SPAG16: variants seen among roughly 807,000 people sequenced by gnomAD.
SPAG16 encodes the protein sperm-associated antigen 16 protein.
SPAG16 carries 86 observed loss-of-function variants against 80.4 expected under a neutral mutation model. The observed-to-expected ratio is 1.07, with a 90% CI of 0.90 to 1.28. SPAG16 has a LOEUF of 1.28. SPAG16 is among the 50% of genes most tolerant of loss of function. SPAG16 has a pLI of 0.00. For missense variants in SPAG16, 870 were observed against 765.3 expected, an observed-to-expected ratio of 1.14 and a Z score of -1.61; for synonymous variants, 294 against 265.9, an observed-to-expected ratio of 1.11 and a Z score of -1.03.
chr2:213,975,735 T>A (rs1002031492), intron 12 of SPAG16, among the ~76,000 whole-genome samples: 1 of 151,946 alleles, frequency 6.6e-6, no homozygotes, highest in Admixed American at 6.6e-5. Context: ...CTCTGGAATG[T>A]CTAAGAAATA....
chr2:213,864,593 C>G (rs532902416), intron 11 of SPAG16, among the ~76,000 whole-genome samples: 2 of 152,044 alleles, frequency 1.3e-5, no homozygotes, highest in African/African-American at 2.4e-5. Flanking sequence ...GACACATATA[C>G]TTTTTCTTAT....
chr2:214,365,983 T>G (rs891579286), intron 15 of SPAG16, among the ~76,000 whole-genome samples: 3 of 151,648 alleles, frequency 2.0e-5, no homozygotes, highest in East Asian at 1.9e-4. Context: ...TGCCAGGTTT[T>G]TTTTTTTTTT....
chr2:213,425,824 C>T (rs1392016719), intron 9 of SPAG16, among the ~76,000 whole-genome samples: 2 of 152,094 alleles, frequency 1.3e-5, no homozygotes, highest in Admixed American at 1.3e-4. Context: ...GCTGACATGA[C>T]ATTTTACTGT....
intron 15 of SPAG16, among the ~76,000 whole-genome samples, chr2:214,281,970 C>G (rs1692973280): frequency 6.6e-6 from 1 of 152,152 alleles, no homozygotes; most frequent in Non-Finnish European, 1.5e-5. Flanking sequence ...ATCTGTATAA[C>G]TGAAAGCACA....
chr2:213,514,068 G>T (rs1053608611), intron 10 of SPAG16, among the ~76,000 whole-genome samples: 23 of 152,164 alleles, frequency 1.5e-4, no homozygotes. Flanking sequence ...AATCAAGACA[G>T]AATGGTATCA....
chr2:214,179,838 A>G (rs2057252725), intron 15 of SPAG16, among the ~76,000 whole-genome samples: 1 of 151,512 alleles, frequency 6.6e-6, no homozygotes, highest in Non-Finnish European at 1.5e-5. Flanking sequence ...CATACTGAAC[A>G]TTATGAGTGG....
intron 13 of SPAG16, among the ~76,000 whole-genome samples, chr2:214,095,136 C>T (rs1380255548): frequency 6.6e-6 from 1 of 151,988 alleles, no homozygotes; most frequent in Non-Finnish European, 1.5e-5. Context: ...TGTAAAATAA[C>T]CATATTTTTA....
chr2:213,428,361 A>T (rs538617103), intron 9 of SPAG16, among the ~76,000 whole-genome samples: 2 of 152,188 alleles, frequency 1.3e-5, no homozygotes, highest in Non-Finnish European at 1.5e-5. Flanking sequence ...CTAAAACACT[A>T]TGAGAAGGGA....
chr2:213,423,189 G>A (rs888670051), intron 9 of SPAG16, among the ~76,000 whole-genome samples: 1 of 152,192 alleles, frequency 6.6e-6, no homozygotes, highest in Non-Finnish European at 1.5e-5. Context: ...TTTTGATCCA[G>A]TACATTCTTG....
intron 11 of SPAG16, among the ~76,000 whole-genome samples, chr2:213,879,863 T>C (rs981152309): frequency 1.1e-4 from 17 of 152,138 alleles, no homozygotes; most frequent in African/African-American, 4.1e-4. Flanking sequence ...GTGTACCATG[T>C]TTTATTTATC....
chr2:213,873,795 C>T (rs921959077), intron 11 of SPAG16, among the ~76,000 whole-genome samples: 4 of 151,832 alleles, frequency 2.6e-5, no homozygotes, highest in Non-Finnish European at 5.9e-5. Flanking sequence ...TCATGTGCTG[C>T]TTAATGGTGA....
chr2:213,591,654 A>C (rs1364924169), intron 10 of SPAG16, among the ~76,000 whole-genome samples: 2 of 152,186 alleles, frequency 1.3e-5, no homozygotes, highest in African/African-American at 4.8e-5. Flanking sequence ...GGGGAGAGAG[A>C]TTGGGCTCGA....
At chr2:213,426,184 G>C (rs549517293) in intron 9 of SPAG16, among the ~76,000 whole-genome samples, 4 of 152,154 alleles carry the variant, frequency 2.6e-5, no homozygotes, top group South Asian at 4.1e-4. Flanking sequence ...ATTGAAGAAG[G>C]ACACTAATTC....
intron 3 of SPAG16, among the ~76,000 whole-genome samples, chr2:213,308,149 AATTTT>A (rs2126108799): frequency 6.6e-6 from 1 of 152,204 alleles, no homozygotes; most frequent in East Asian, 1.9e-4. Context: ...TTATTTTTTT[AATTTT>A]ATTTTTATTG....
chr2:213,499,249 T>C (rs2074632618), intron 10 of SPAG16, among the ~76,000 whole-genome samples: 1 of 152,144 alleles, frequency 6.6e-6, no homozygotes, highest in Non-Finnish European at 1.5e-5. Context: ...CTAAAGTATG[T>C]TTCTATACTA....
At chr2:213,366,187 C>T (rs1045669225) in intron 8 of SPAG16, among the ~76,000 whole-genome samples, 1 of 148,612 alleles carries the variant, frequency 6.7e-6, no homozygotes, top group African/African-American at 2.5e-5. Flanking sequence ...TAAAGGAAAA[C>T]TTGCCTATTT....
rs918467180 is a variant in SPAG16 at position 213,417,246 on chromosome 2, A to G, written c.942+42127A>G. Among the ~76,000 whole-genome samples the G allele has an allele frequency of 4.6e-5, 7 of 152,324 alleles. 1 individual carries two copies. The South Asian group carries it at 1.4e-3, about 32-fold the overall frequency. ...CAATACAAGGAACAATATTTTGGGT[A>G]TAGCCATAACCTATTTGAGGCAAAT... is the stretch of plus-strand genomic sequence containing the variant. On this transcript the variant is annotated intron_variant, in intron 9 of 15. Coordinates refer to ENST00000331683, the MANE Select transcript of SPAG16 (RefSeq NM_024532.5).
At chr2:213,850,371 C>G (rs776636247) in intron 10 of SPAG16, among the ~76,000 whole-genome samples, 10 of 152,106 alleles carry the variant, frequency 6.6e-5, no homozygotes, top group Admixed American at 1.3e-4. Flanking sequence ...TTACATGACA[C>G]AGAAAACTTC....
intron 15 of SPAG16, among the ~76,000 whole-genome samples, chr2:214,407,624 T>C (rs891141980): frequency 6.6e-6 from 1 of 152,144 alleles, no homozygotes; most frequent in African/African-American, 2.4e-5. Flanking sequence ...AAGATACCCA[T>C]GCACTTCTGT....
Sources: gnomAD v4.1 joint callset for allele counts (sites outside exome capture counted in the v4.1 genomes callset) on GRCh38, gnomAD v4.1.1 for gene constraint, MANE v1.5 for transcripts, NCBI Gene and HGNC (gene_info 2026-07-23, HGNC 2026-07-21) for gene names.